The following SDR39U1 variants were observed in gnomAD, a reference collection of about 807,000 sequenced individuals.
SDR39U1 encodes epimerase family protein SDR39U1.
A neutral mutation model predicts 31.7 loss-of-function variants in SDR39U1; 29 were observed. The observed-to-expected ratio is 0.92, with a 90% CI of 0.68 to 1.25. SDR39U1 has a LOEUF of 1.25. SDR39U1 is among the 50% of genes most tolerant of loss of function. The pLI, the probability that SDR39U1 is intolerant of heterozygous loss-of-function variation, is 0.00. For missense variants in SDR39U1, 403 were observed against 378.4 expected, an observed-to-expected ratio of 1.06 and a Z score of -0.54; for synonymous variants, 147 against 159.0, an observed-to-expected ratio of 0.92 and a Z score of 0.57.
chr14:24,440,161 G>C lies in SDR39U1; in HGVS notation c.804C>G (p.Ile268Met). 6.2e-7 allele frequency: 1 copy of C among 1,613,748 alleles called. No homozygotes were observed. The highest frequency in any genetic ancestry group is 2.2e-5 in the East Asian group (1 of 44,876). Residue 268 changes from isoleucine (I) to methionine (M), a missense_variant, in exon 6 of 6, where the codon ATC (isoleucine) becomes ATG (methionine). By Grantham distance (10) the Ile-to-Met change is conservative (BLOSUM62 1). Coordinates refer to ENST00000399395, the MANE Select transcript of SDR39U1 (RefSeq NM_020195.3). Reference protein sequence around the residue: ...AIMLLEGQKVIPQRTLATGYQ... With the variant: ...AIMLLEGQKVMPQRTLATGYQ... The stretch of plus-strand genomic sequence containing the variant: ...AGCCAGTGGCCAGTGTTCGCTGTGG[G>C]ATCACCTTCTGGCCCTCCAGCAGCA...
Position 24,440,057 on chromosome 14 carries a change from G to T in SDR39U1, c.*26C>A. On this transcript the variant is annotated 3_prime_UTR_variant, in exon 6 of 6. Coordinates refer to ENST00000399395, the MANE Select transcript of SDR39U1 (RefSeq NM_020195.3). Reference sequence around the variant, plus strand: ...CTAACCTGGAAGCCTGTGAGGAACAGGCCTCAGGCCCTTGCCACGACCTAC... The same window carrying T: ...CTAACCTGGAAGCCTGTGAGGAACATGCCTCAGGCCCTTGCCACGACCTAC... 6.4e-7 allele frequency: 1 copy of T among 1,556,814 alleles called. No individual in the cohort carries two copies. Among genetic ancestry groups the T allele is most frequent in the Non-Finnish European group, 8.7e-7 (1 of 1,146,512 alleles).
At chr14:24,441,826 A>T (rs1474728043) in intron 3 of SDR39U1, 31 bp from the exon 4 acceptor site, 1 of 1,596,322 alleles carries the variant, frequency 6.3e-7, no homozygotes, top group Non-Finnish European at 8.5e-7. Flanking sequence ...ATAAAAAGCC[A>T]CTAAATACAT....
chr14:24,442,621 G>A, intron 1 of SDR39U1, 133 bp downstream of exon 1: 1 of 1,289,696 alleles, frequency 7.8e-7, no homozygotes, highest in Admixed American at 1.7e-5. Context: ...GGATTAGGGA[G>A]ATTCGGCTTC....
Position 24,442,389 on chromosome 14 carries a change from A to G in SDR39U1, c.80T>C (p.Val27Ala), listed in dbSNP as rs371729423. ...TQLLNARGHE[V>A]TLVSRKPGPG... ...CCCGGGCTTTCGGGAGACCAACGTC[A>G]CTTCGTGGCCTCTGGCATTCAGCAG... The change falls in exon 2 of 6, where the codon GTG becomes GCG. Residue 27 changes from valine (V) to alanine (A), a missense_variant. Val to Ala is a moderately conservative substitution (Grantham distance 64). Coordinates refer to ENST00000399395, the MANE Select transcript of SDR39U1 (RefSeq NM_020195.3). 1.2e-6 allele frequency: 2 copies of G among 1,612,032 alleles called. No homozygotes were observed. The highest frequency in any genetic ancestry group is 8.5e-7 in the Non-Finnish European group (1 of 1,179,104).
Position 24,440,898 on chromosome 14 carries a change from C to T in SDR39U1, c.357G>A (p.Glu119=). 1 of 1,614,060 alleles carries T rather than the reference C, an allele frequency of 6.2e-7. No homozygotes were observed. Among genetic ancestry groups the T allele is most frequent in the Non-Finnish European group, 8.5e-7 (1 of 1,179,902 alleles). The change falls in exon 5 of 6, where the codon GAG becomes GAA. Residue 119 remains glutamate (E), a synonymous_variant. Transcript: ENST00000399395. ...VAYYQPSLTA[E]YDEDSPGGDF... ...CCCCTCCTGGGCTGTCTTCATCATA[C>T]TCCGCAGTCAGACTGGGCTGGTAGT...
Position 24,440,852 on chromosome 14 carries a change from G to C in SDR39U1, c.403C>G (p.Leu135Val), listed in dbSNP as rs775534562. 1.9e-6 allele frequency: 3 copies of C among 1,613,992 alleles called. No homozygotes were observed. The highest frequency in any genetic ancestry group is 1.7e-6 in the Non-Finnish European group (2 of 1,179,872). The stretch of plus-strand genomic sequence containing the variant: ...GCTGCAGCTTCCCATTTGGTTACGA[G>C]GTTGGAGAAAAAGTCAAAGTCCCCT... Reference protein sequence around the residue: ...PGGDFDFFSNLVTKWEAAARL... With the variant: ...PGGDFDFFSNVVTKWEAAARL... Residue 135 changes from leucine (L) to valine (V), a missense_variant, in exon 5 of 6, where the codon CTC becomes GTC. Coordinates refer to ENST00000399395, the MANE Select transcript of SDR39U1 (RefSeq NM_020195.3).
chr14:24,441,585 C>G, intron 4 of SDR39U1, 89 bp downstream of exon 4: 1 of 1,135,002 alleles, frequency 8.8e-7, no homozygotes, highest in Middle Eastern at 3.0e-4. Flanking sequence ...CTGGAAAAGA[C>G]CAGTGCTCTG....
Position 24,440,934 on chromosome 14 carries a change from T to A in SDR39U1, c.329-8A>T. ...GACTGGGCTGGTAGTAAGCTGCCGG[T>A]GGAACACAATCATTTGCCCTGGGTG... On this transcript the variant is annotated splice_polypyrimidine_tract_variant and splice_region_variant and intron_variant, in intron 4 of 5. Transcript: ENST00000399395. 2 of 1,613,974 alleles carry A rather than the reference T, an allele frequency of 1.2e-6. No individual in the cohort carries two copies. The highest frequency in any genetic ancestry group is 1.7e-6 in the Non-Finnish European group (2 of 1,179,856).
At chr14:24,440,983 G>C in intron 4 of SDR39U1, 57 bp from the exon 5 acceptor site, 2 of 1,599,754 alleles carry the variant, frequency 1.3e-6, no homozygotes, top group Non-Finnish European at 1.7e-6. Context: ...CTGGCTCTCT[G>C]TAGTGGAGGC....
chr14:24,441,894 G>A (rs2043353888), intron 3 of SDR39U1, 99 bp from the exon 4 acceptor site: 1 of 1,479,970 alleles, frequency 6.8e-7, no homozygotes, highest in Non-Finnish European at 9.2e-7. Context: ...CCAATTTCTT[G>A]TAAAGCCCTG....
intron 4 of SDR39U1, chr14:24,441,381 C>A: frequency 2.1e-6 from 1 of 473,076 alleles, no homozygotes; most frequent in East Asian, 4.0e-5. Context: ...ATTACTTGGT[C>A]CCAAAGGTGA....
intron 4 of SDR39U1, 128 bp from the exon 5 acceptor site, chr14:24,441,054 G>A (rs1436919461): frequency 9.5e-7 from 1 of 1,048,596 alleles, no homozygotes; most frequent in East Asian, 2.6e-5. Flanking sequence ...AGAGCCATTT[G>A]GATATTTTCC....
At chr14:24,440,570 C>T (rs2043302427) in intron 5 of SDR39U1, 78 bp from the exon 6 acceptor site, 1 of 1,495,558 alleles carries the variant, frequency 6.7e-7, no homozygotes. Context: ...TTTCTGTTTC[C>T]CCTTCCTCAC....
intron 4 of SDR39U1, 98 bp downstream of exon 4, chr14:24,441,576 T>C (rs1347483889): frequency 1.0e-5 from 11 of 1,063,396 alleles, no homozygotes; most frequent in Admixed American, 6.2e-5. Flanking sequence ...TCATTTTGCC[T>C]GGAAAAGACC....
rs149854496 is a variant in SDR39U1, at chr14:24,440,688, C to T, written c.472+95G>A. ...GGCTAGAAGTGGTGGCATCCTCTCA[C>T]TCTGTAATTGTAATCTCAGCTCTCC... is the stretch of plus-strand genomic sequence containing the variant. On this transcript the variant is annotated intron_variant, in intron 5 of 5. Coordinates refer to ENST00000399395, the MANE Select transcript of SDR39U1 (RefSeq NM_020195.3). 2,152 of 1,495,316 alleles carry T rather than the reference C, an allele frequency of 1.4e-3. 4 individuals are homozygous for T. Among genetic ancestry groups the T allele is most frequent in the Non-Finnish European group, 1.4e-3 (1,497 of 1,092,732 alleles). 92.6% of individuals were successfully genotyped at this position (1,495,316 alleles called of 1,614,324 possible).
chr14:24,442,515 C>T (rs752384643), intron 1 of SDR39U1, 63 bp from the exon 2 acceptor site: 2 of 1,454,082 alleles, frequency 1.4e-6, no homozygotes, highest in African/African-American at 2.8e-5. Context: ...CCTTCCGTCC[C>T]CGCTGTGGCA....
chr14:24,442,740 C>A lies in SDR39U1; in HGVS notation c.16+14G>T. 1 of 1,614,026 alleles carries A rather than the reference C, an allele frequency of 6.2e-7. No homozygotes were observed. The highest frequency in any genetic ancestry group is 8.5e-7 in the Non-Finnish European group (1 of 1,179,846). On this transcript the variant is annotated intron_variant, in intron 1 of 5. Coordinates refer to ENST00000399395, the MANE Select transcript of SDR39U1 (RefSeq NM_020195.3). ...TAAGCCCGCCCAGCACTCTCCCTTT[C>A]TGCCCTCCCTCACCCACAAGCACAC...
chr14:24,441,289 A>T, intron 4 of SDR39U1: 1 of 448,404 alleles, frequency 2.2e-6, no homozygotes, highest in South Asian at 2.2e-5. Flanking sequence ...AATAGTACCT[A>T]CCTCATAGGG....
At chr14:24,442,586 G>T (rs2043384063) in intron 1 of SDR39U1, 134 bp from the exon 2 acceptor site, 1 of 1,213,088 alleles carries the variant, frequency 8.2e-7, no homozygotes, top group Non-Finnish European at 1.2e-6. Context: ...CCCTCCTCGC[G>T]ATGCAGAGGT....
Sources: allele counts gnomAD v4.1 joint callset, GRCh38; gene constraint gnomAD v4.1.1; transcripts MANE v1.5; gene names NCBI Gene and HGNC (gene_info 2026-07-23, HGNC 2026-07-21).